The following THSD4 variants were observed in gnomAD, a reference collection of about 807,000 sequenced individuals.
THSD4 encodes the protein thrombospondin type-1 domain-containing protein 4.
A neutral mutation model predicts 119.0 loss-of-function variants in THSD4; 69 were observed. That is an observed-to-expected ratio of 0.58 (90% CI 0.48 to 0.71). The LOEUF (loss-of-function observed/expected upper bound fraction) is 0.71, where lower values mean the gene tolerates loss of function less well. Among genes scored for constraint, THSD4 ranks in the 30% least tolerant of loss-of-function variants. THSD4 has a pLI of 0.00. For synonymous variants in THSD4, 524 were observed against 540.4 expected, an observed-to-expected ratio of 0.97 and a Z score of 0.42; for missense variants, 1,393 against 1,391.1, an observed-to-expected ratio of 1.00 and a Z score of -0.02.
intron 6 of THSD4, among the ~76,000 whole-genome samples, chr15:71,339,370 A>T (rs1201395324): frequency 6.6e-6 from 1 of 151,550 alleles, no homozygotes; most frequent in African/African-American, 2.4e-5. Context: ...ATCTTTGCCG[A>T]CCCTCTCAGA....
chr15:71,463,031 T>C (rs1465690340), intron 7 of THSD4, among the ~76,000 whole-genome samples: 1 of 152,244 alleles, frequency 6.6e-6, no homozygotes, highest in Non-Finnish European at 1.5e-5. Context: ...TGTGATCAAC[T>C]AAAATTATCA....
At chr15:71,383,454 T>C (rs976619177) in intron 6 of THSD4, among the ~76,000 whole-genome samples, 5 of 152,206 alleles carry the variant, frequency 3.3e-5, no homozygotes, top group Non-Finnish European at 7.3e-5. Context: ...CTTTAAGGCC[T>C]ACTTAAGGCA....
At chr15:71,759,526 A>G (rs2053597081) in intron 15 of THSD4, among the ~76,000 whole-genome samples, 2 of 152,232 alleles carry the variant, frequency 1.3e-5, no homozygotes, top group African/African-American at 4.8e-5. Context: ...ATTGGTTCCC[A>G]TCTCTCTATG....
intron 6 of THSD4, among the ~76,000 whole-genome samples, chr15:71,403,605 C>T (rs2046568105): frequency 6.6e-6 from 1 of 152,172 alleles, no homozygotes. Flanking sequence ...AGGCCCTGAC[C>T]ACCCTAAAAT....
chr15:71,465,283 A>C (rs2047484145), intron 7 of THSD4, among the ~76,000 whole-genome samples: 2 of 152,220 alleles, frequency 1.3e-5, no homozygotes, highest in Non-Finnish European at 1.5e-5. Flanking sequence ...CATAATAGTC[A>C]TAAACAAATG....
Position 71,523,126 on chromosome 15 carries a change from A to G in THSD4, c.1152+111303A>G, listed in dbSNP as rs77474433. Among the ~76,000 whole-genome samples, 535 of 152,342 alleles carry G rather than the reference A, an allele frequency of 3.5e-3. 4 individuals are homozygous for G. The highest frequency in any genetic ancestry group is 0.012 in the African/African-American group (485 of 41,584). On this transcript the variant is annotated intron_variant, in intron 7 of 17. Transcript: ENST00000261862. ...GATGTGATAACTGCAGTAGCTTCCT[A>G]TAACTGCTGTAACCAATTACTACAA...
chr15:71,290,138 C>T (rs543909172), intron 6 of THSD4, among the ~76,000 whole-genome samples: 10 of 152,312 alleles, frequency 6.6e-5, no homozygotes, highest in Non-Finnish European at 1.2e-4. Flanking sequence ...GCCTTAGTCT[C>T]CCCTACTGTG....
chr15:71,738,337 T>G, intron 11 of THSD4: 1 of 256,038 alleles, frequency 3.9e-6, no homozygotes, highest in Non-Finnish European at 7.5e-6. Context: ...TGCGACCTGG[T>G]TCCTAACAGG....
intron 6 of THSD4, among the ~76,000 whole-genome samples, chr15:71,295,539 C>G (rs191650588): frequency 6.6e-6 from 1 of 152,320 alleles, no homozygotes; most frequent in East Asian, 1.9e-4. Context: ...CAGAGGCAAT[C>G]TGGCTCTGTA....
intron 7 of THSD4, among the ~76,000 whole-genome samples, chr15:71,657,880 A>T (rs74433363): frequency 0.015 from 2,315 of 152,296 alleles, 60 homozygotes; most frequent in African/African-American, 0.053. Context: ...GATTCACAAG[A>T]TCAAATAACA....
chr15:71,619,793 A>AG (rs1470220954), intron 7 of THSD4, among the ~76,000 whole-genome samples: 1 of 152,222 alleles, frequency 6.6e-6, no homozygotes, highest in Admixed American at 6.5e-5. Context: ...ATACACATGG[A>AG]GGGAGGTCTG....
intron 4 of THSD4, among the ~76,000 whole-genome samples, chr15:71,224,612 T>C (rs2140258442): frequency 6.6e-6 from 1 of 152,316 alleles, no homozygotes; most frequent in East Asian, 1.9e-4. Context: ...GTTTATTTGC[T>C]TACAGTTCTG....
chr15:71,336,550 C>T (rs1029171105), intron 6 of THSD4, among the ~76,000 whole-genome samples: 8 of 152,288 alleles, frequency 5.3e-5, no homozygotes, highest in Admixed American at 2.6e-4. Context: ...CTATATTCCA[C>T]GTGGAACCAT....
At chr15:71,402,460 T>G (rs375773162) in intron 6 of THSD4, among the ~76,000 whole-genome samples, 1 of 152,186 alleles carries the variant, frequency 6.6e-6, no homozygotes, top group Non-Finnish European at 1.5e-5. Context: ...AAGCAGAGAT[T>G]TGTGCCCAGT....
At chr15:71,598,097 C>T (rs966944575) in intron 7 of THSD4, among the ~76,000 whole-genome samples, 1 of 151,840 alleles carries the variant, frequency 6.6e-6, no homozygotes, top group Non-Finnish European at 1.5e-5. Flanking sequence ...GAGGACCGGT[C>T]AAGAGATGGA....
intron 7 of THSD4, among the ~76,000 whole-genome samples, chr15:71,550,524 C>T (rs1418216301): frequency 6.6e-6 from 1 of 152,196 alleles, no homozygotes; most frequent in African/African-American, 2.4e-5. Flanking sequence ...GCAAGCTCCG[C>T]CTCCCGGGTT....
chr15:71,129,011 T>C lies in THSD4; in HGVS notation c.-79-12438T>C, dbSNP rs191074202. The stretch of plus-strand genomic sequence containing the variant: ...GGTGGAGGATGGAGAAGAAAGTACA[T>C]GAGAGATAGTACAAAGGAAGAATTG... On this transcript the variant is annotated intron_variant, in intron 1 of 17. Transcript: ENST00000261862. 3.9e-4 allele frequency among the ~76,000 whole-genome samples: 60 copies of C among 152,072 alleles called. 1 individual carries two copies. The highest frequency in any genetic ancestry group is 6.8e-3 in the Middle Eastern group (2 of 294).
At chr15:71,160,733 CT>C (rs2043241756) in intron 3 of THSD4, among the ~76,000 whole-genome samples, 1 of 150,724 alleles carries the variant, frequency 6.6e-6, no homozygotes, top group Non-Finnish European at 1.5e-5. Context: ...TTTTGTTCAC[CT>C]TTTCAAAACA....
At chr15:71,511,818 A>G (rs1320086448) in intron 7 of THSD4, among the ~76,000 whole-genome samples, 1 of 152,208 alleles carries the variant, frequency 6.6e-6, no homozygotes, top group African/African-American at 2.4e-5. Flanking sequence ...TTCACCTCTC[A>G]GGGCTTAGCT....
Sources: gnomAD v4.1 joint callset for allele counts (sites outside exome capture counted in the v4.1 genomes callset) on GRCh38, gnomAD v4.1.1 for gene constraint, MANE v1.5 for transcripts, NCBI Gene and HGNC (gene_info 2026-07-23, HGNC 2026-07-21) for gene names.